Variants in PRKG1 observed in about 807,000 individuals in gnomAD.
The protein encoded by PRKG1 is protein kinase cGMP-dependent 1, also known as cGMP-dependent protein kinase 1.
In PRKG1, 35 loss-of-function variants were observed where a neutral mutation model predicts 88.1. The observed-to-expected ratio is 0.40, with a 90% CI of 0.30 to 0.53. The LOEUF (loss-of-function observed/expected upper bound fraction) is 0.53. PRKG1 is among the 20% of genes least tolerant of loss of function. The pLI is 0.59. For synonymous variants in PRKG1, 303 were observed against 292.5 expected (o/e 1.04, Z -0.37); for missense variants, 540 against 839.8 (o/e 0.64, Z 4.41).
At chr10:51,522,901 G>C (rs1232734117) in intron 3 of PRKG1, among the ~76,000 whole-genome samples, 1 of 150,530 alleles carries the variant, frequency 6.6e-6, no homozygotes, top group Non-Finnish European at 1.5e-5. Context: ...GATTATTACT[G>C]TATTTATTAA....
At chr10:51,794,974 C>T (rs1328151336) in intron 3 of PRKG1, among the ~76,000 whole-genome samples, 2 of 151,958 alleles carry the variant, frequency 1.3e-5, no homozygotes. Flanking sequence ...GCAAACATAA[C>T]AAAGTTTCAT....
chr10:51,830,867 T>A (rs1764850264), intron 4 of PRKG1, among the ~76,000 whole-genome samples: 1 of 152,064 alleles, frequency 6.6e-6, no homozygotes, highest in South Asian at 2.1e-4. Context: ...CTGCCTAAAG[T>A]GATTTATAAA....
At chr10:52,034,588 C>T (rs1055561987) in intron 5 of PRKG1, among the ~76,000 whole-genome samples, 6 of 151,330 alleles carry the variant, frequency 4.0e-5, no homozygotes, top group Non-Finnish European at 8.8e-5. Flanking sequence ...TCAGCATAGT[C>T]CTGCCAGCAA....
intron 8 of PRKG1, among the ~76,000 whole-genome samples, chr10:52,142,552 T>C (rs1260218690): frequency 6.6e-6 from 1 of 152,194 alleles, no homozygotes; most frequent in Non-Finnish European, 1.5e-5. Context: ...TGGATCTTTA[T>C]AGATATCTCT....
intron 5 of PRKG1, among the ~76,000 whole-genome samples, chr10:52,038,946 G>A (rs1253169870): frequency 6.6e-6 from 1 of 152,182 alleles, no homozygotes; most frequent in East Asian, 1.9e-4. Context: ...GGAGAAGAGA[G>A]TAAGAAGAGG....
intron 1 of PRKG1, among the ~76,000 whole-genome samples, chr10:51,000,848 A>G (rs1357842604): frequency 1.3e-5 from 2 of 152,164 alleles, no homozygotes; most frequent in African/African-American, 4.8e-5. Context: ...ATTTTCAACA[A>G]GGAATGAAAT....
rs561584018 is a variant in PRKG1 at position 52,248,920 on chromosome 10, T to C, written c.1077-2650T>C. ...TTTCCTTTCTCTTTTCTTTCCTTTC[T>C]TTTCTTTTCCTTCTTTTCCTTTCCT... On this transcript the variant is annotated intron_variant, in intron 9 of 17. Coordinates refer to ENST00000373980, the MANE Select transcript of PRKG1 (RefSeq NM_006258.4). Among the ~76,000 whole-genome samples, 11 of 151,696 alleles carry C rather than the reference T, an allele frequency of 7.3e-5. No homozygotes were observed. In the South Asian group the frequency reaches 2.1e-3, roughly 29 times the overall value.
At chr10:51,446,115 A>G (rs112746333) in intron 2 of PRKG1, among the ~76,000 whole-genome samples, 42 of 152,048 alleles carry the variant, frequency 2.8e-4, no homozygotes, top group South Asian at 2.1e-3. Context: ...AAGTAGTTCA[A>G]TAAAGGTGGA....
intron 4 of PRKG1, among the ~76,000 whole-genome samples, chr10:51,833,561 T>C (rs1840055484): frequency 6.6e-6 from 1 of 152,220 alleles, no homozygotes; most frequent in Non-Finnish European, 1.5e-5. Flanking sequence ...TTATTTTTAT[T>C]TTTAATTGAC....
At chr10:51,227,596 T>C (rs1838727093) in intron 2 of PRKG1, among the ~76,000 whole-genome samples, 1 of 152,212 alleles carries the variant, frequency 6.6e-6, no homozygotes, top group Admixed American at 6.5e-5. Context: ...CCTATTTATC[T>C]TTGTATCCCA....
At chr10:51,907,193 G>A (rs1377518757) in intron 4 of PRKG1, among the ~76,000 whole-genome samples, 4 of 151,914 alleles carry the variant, frequency 2.6e-5, no homozygotes, top group Non-Finnish European at 1.5e-5. Context: ...TTTTATATTC[G>A]GTTTACATAT....
At chr10:52,220,906 G>C (rs553680585) in intron 9 of PRKG1, among the ~76,000 whole-genome samples, 1 of 151,804 alleles carries the variant, frequency 6.6e-6, no homozygotes, top group Non-Finnish European at 1.5e-5. Flanking sequence ...ATAATACAAT[G>C]ATTTACATTC....
chr10:51,385,023 C>T (rs1026104188), intron 2 of PRKG1, among the ~76,000 whole-genome samples: 1 of 152,072 alleles, frequency 6.6e-6, no homozygotes, highest in Non-Finnish European at 1.5e-5. Context: ...TCTCTCGAAC[C>T]TTGTTGTTGA....
intron 8 of PRKG1, among the ~76,000 whole-genome samples, chr10:52,142,520 C>G (rs1023889100): frequency 6.6e-6 from 1 of 152,090 alleles, no homozygotes. Flanking sequence ...AATTACACTA[C>G]TTCTAAATAT....
At chr10:52,171,761 A>G (rs1163351024) in intron 9 of PRKG1, among the ~76,000 whole-genome samples, 1 of 149,620 alleles carries the variant, frequency 6.7e-6, no homozygotes, top group African/African-American at 2.5e-5. Context: ...TCGGCCTTGA[A>G]TAGAAGTATT....
At chr10:51,904,905 C>T (rs1291116850) in intron 4 of PRKG1, among the ~76,000 whole-genome samples, 1 of 152,010 alleles carries the variant, frequency 6.6e-6, no homozygotes, top group Non-Finnish European at 1.5e-5. Flanking sequence ...AATGAAAATA[C>T]TGTATTATGG....
At chr10:51,177,759 A>G (rs980887212) in intron 2 of PRKG1, among the ~76,000 whole-genome samples, 6 of 152,060 alleles carry the variant, frequency 3.9e-5, no homozygotes, top group African/African-American at 1.4e-4. Context: ...TATTTATACT[A>G]TAATTAATTT....
At chr10:51,720,527 C>G (rs1417164257) in intron 3 of PRKG1, among the ~76,000 whole-genome samples, 1 of 152,194 alleles carries the variant, frequency 6.6e-6, no homozygotes, top group Non-Finnish European at 1.5e-5. Flanking sequence ...GACGAGAGTG[C>G]TTTGCTTTTC....
rs113138720 is a variant in PRKG1, at chr10:51,234,551, T to C, written c.478+81221T>C. Among the ~76,000 whole-genome samples the C allele has an allele frequency of 4.8e-3, 725 of 152,328 alleles. 8 individuals carry two copies. The highest frequency in any genetic ancestry group is 0.016 in the African/African-American group (659 of 41,582). ...TTAGGTTTTCTTACCAAACAGGATTTATCTCTGCTTCATTAATACATAGCA... is the reference window on the plus strand; with the variant it reads ...TTAGGTTTTCTTACCAAACAGGATTCATCTCTGCTTCATTAATACATAGCA... On this transcript the variant is annotated intron_variant, in intron 2 of 17. Transcript: ENST00000373980.
Sources: allele counts gnomAD v4.1 joint callset (sites outside exome capture counted in the v4.1 genomes callset), GRCh38; gene constraint gnomAD v4.1.1; transcripts MANE v1.5; gene names NCBI Gene and HGNC (gene_info 2026-07-23, HGNC 2026-07-21).